The following KCNQ3 variants were observed in gnomAD, a reference collection of about 807,000 sequenced individuals.
KCNQ3 encodes potassium voltage-gated channel subfamily Q member 3.
A neutral mutation model predicts 92.5 loss-of-function variants in KCNQ3; 30 were observed. The ratio of observed to expected loss-of-function variants is 0.32; its 90% confidence interval spans 0.24 to 0.44. The LOEUF is 0.44. Ranked by LOEUF, KCNQ3 falls within the 20% of genes least tolerant of loss-of-function variation. KCNQ3 has a pLI of 1.00. For synonymous variants in KCNQ3, 450 were observed against 468.8 expected (o/e 0.96, Z 0.52); for missense variants, 913 against 1,140.3 (o/e 0.80, Z 2.87).
At chr8:132,159,338 T>G (rs371278274) in intron 9 of KCNQ3, among the ~76,000 whole-genome samples, 118 of 152,334 alleles carry the variant, frequency 7.7e-4, no homozygotes, top group African/African-American at 2.8e-3. Flanking sequence ...TTTCAAGAAC[T>G]GAGTATCCCA....
At chr8:132,387,361 T>C (rs1266981206) in intron 1 of KCNQ3, among the ~76,000 whole-genome samples, 1 of 152,218 alleles carries the variant, frequency 6.6e-6, no homozygotes, top group Non-Finnish European at 1.5e-5. Flanking sequence ...TTTGATGTCG[T>C]TCCCAATTTT....
intron 9 of KCNQ3, 70 bp downstream of exon 9, chr8:132,163,398 A>C (rs1466179448): frequency 4.5e-6 from 6 of 1,318,784 alleles, no homozygotes; most frequent in Non-Finnish European, 6.6e-6. Context: ...GGGGCCCTAC[A>C]CCATATGGAG....
At chr8:132,425,161 C>T (rs1821075579) in intron 1 of KCNQ3, among the ~76,000 whole-genome samples, 1 of 152,164 alleles carries the variant, frequency 6.6e-6, no homozygotes, top group South Asian at 2.1e-4. Context: ...CAATGACCTG[C>T]CCCCAACTGG....
chr8:132,200,634 C>A (rs547918513), intron 1 of KCNQ3, among the ~76,000 whole-genome samples: 1 of 152,110 alleles, frequency 6.6e-6, no homozygotes, highest in Non-Finnish European at 1.5e-5. Flanking sequence ...GGAATATACA[C>A]GTTTTATGGA....
At chr8:132,264,105 T>TG in intron 1 of KCNQ3, among the ~76,000 whole-genome samples, 1 of 152,316 alleles carries the variant, frequency 6.6e-6, no homozygotes, top group East Asian at 1.9e-4. Flanking sequence ...TTGACCCAGC[T>TG]AGCAAGTGGT....
In KCNQ3 at chr8:132,124,705, G is replaced by A. The variant is rs1226518369; in HGVS notation, c.*4557C>T. On this transcript the variant is annotated 3_prime_UTR_variant, in exon 15 of 15. Coordinates refer to ENST00000388996, the MANE Select transcript of KCNQ3 (RefSeq NM_004519.4). Reference sequence around the variant, plus strand: ...GGTTGATTTGAATATAAACAACTTAGACTTTAAAAGTTCATCCTGAAAAAC... The same window carrying A: ...GGTTGATTTGAATATAAACAACTTAAACTTTAAAAGTTCATCCTGAAAAAC... 1 of 152,204 alleles carries A rather than the reference G, an allele frequency of 6.6e-6. No homozygotes were observed. The highest frequency in any genetic ancestry group is 2.4e-5 in the African/African-American group (1 of 41,444). The allele number at this position is 152,204 out of a possible 1,614,324, so 9.4% of individuals were successfully genotyped here.
chr8:132,371,200 G>C (rs879934166), intron 1 of KCNQ3, among the ~76,000 whole-genome samples: 2 of 152,180 alleles, frequency 1.3e-5, no homozygotes, highest in Admixed American at 6.5e-5. Context: ...TTGAGGTCAG[G>C]AACTGAGGTT....
intron 1 of KCNQ3, among the ~76,000 whole-genome samples, chr8:132,447,689 G>A (rs1821719998): frequency 6.6e-6 from 1 of 152,226 alleles, no homozygotes; most frequent in Non-Finnish European, 1.5e-5. Flanking sequence ...ATTTAGAGAT[G>A]CAGGAGAACC....
intron 1 of KCNQ3, among the ~76,000 whole-genome samples, chr8:132,360,699 G>C (rs1308591010): frequency 6.6e-6 from 1 of 152,136 alleles, no homozygotes; most frequent in African/African-American, 2.4e-5. Flanking sequence ...GTCTCCCTTG[G>C]ACATCACCTC....
intron 1 of KCNQ3, among the ~76,000 whole-genome samples, chr8:132,355,640 G>A (rs983430848): frequency 2.6e-5 from 4 of 152,076 alleles, no homozygotes; most frequent in South Asian, 2.1e-4. Context: ...AAGCTGGCAA[G>A]CAAAGAGAAA....
chr8:132,475,106 G>A (rs1822379916), intron 1 of KCNQ3, among the ~76,000 whole-genome samples: 1 of 152,132 alleles, frequency 6.6e-6, no homozygotes, highest in Non-Finnish European at 1.5e-5. Flanking sequence ...TTCCCCTTCT[G>A]CCACGATTGT....
intron 9 of KCNQ3, among the ~76,000 whole-genome samples, chr8:132,157,843 G>A (rs1034278579): frequency 3.3e-5 from 5 of 151,718 alleles, no homozygotes; most frequent in Admixed American, 6.6e-5. Context: ...CCCATCCACC[G>A]ACAGGCCCCG....
At chr8:132,426,718 A>G (rs889362300) in intron 1 of KCNQ3, among the ~76,000 whole-genome samples, 1 of 152,212 alleles carries the variant, frequency 6.6e-6, no homozygotes, top group Non-Finnish European at 1.5e-5. Context: ...TCTCCAAGGA[A>G]GAATAAAAAC....
chr8:132,325,436 C>T (rs1470536366), intron 1 of KCNQ3, among the ~76,000 whole-genome samples: 4 of 152,136 alleles, frequency 2.6e-5, no homozygotes, highest in African/African-American at 7.2e-5. Context: ...AAAATTAATA[C>T]GTTGAAGTCC....
intron 1 of KCNQ3, among the ~76,000 whole-genome samples, chr8:132,355,865 T>C (rs540894525): frequency 7.2e-5 from 11 of 152,370 alleles, no homozygotes; most frequent in Non-Finnish European, 1.2e-4. Flanking sequence ...TACCTGATCC[T>C]GAATTTGCCT....
chr8:132,327,520 G>C (rs1407547492), intron 1 of KCNQ3, among the ~76,000 whole-genome samples: 2 of 152,054 alleles, frequency 1.3e-5, no homozygotes, highest in Non-Finnish European at 2.9e-5. Context: ...TCTGGCTTTT[G>C]GGGTTCCACT....
At chr8:132,444,890 G>A (rs544496828) in intron 1 of KCNQ3, among the ~76,000 whole-genome samples, 9 of 152,184 alleles carry the variant, frequency 5.9e-5, no homozygotes, top group East Asian at 1.9e-4. Context: ...ATGAGGATTC[G>A]ACAAAGCAGA....
chr8:132,157,518 C>G (rs1825838263), intron 9 of KCNQ3, among the ~76,000 whole-genome samples: 2 of 152,276 alleles, frequency 1.3e-5, no homozygotes, highest in South Asian at 4.2e-4. Context: ...CTCTCTAGCT[C>G]TCAGTGCCCA....
chr8:132,378,556 T>C (rs995125046), intron 1 of KCNQ3, among the ~76,000 whole-genome samples: 1 of 152,258 alleles, frequency 6.6e-6, no homozygotes, highest in Admixed American at 6.5e-5. Context: ...AACTATATTA[T>C]ATACTAAGAC....
Sources: gnomAD v4.1 joint callset for allele counts (sites outside exome capture counted in the v4.1 genomes callset) on GRCh38, gnomAD v4.1.1 for gene constraint, MANE v1.5 for transcripts, NCBI Gene and HGNC (gene_info 2026-07-23, HGNC 2026-07-21) for gene names.